RGS6: variants seen among roughly 807,000 people sequenced by gnomAD.
RGS6 encodes regulator of G-protein signaling 6.
A neutral mutation model predicts 78.5 loss-of-function variants in RGS6; 30 were observed. That is an observed-to-expected ratio of 0.38 (90% CI 0.29 to 0.52). The LOEUF is 0.52. Among genes scored for constraint, RGS6 ranks in the 20% least tolerant of loss-of-function variants. RGS6 has a pLI of 0.85. For missense variants in RGS6, 495 were observed against 609.7 expected (o/e 0.81, Z 1.98); for synonymous variants, 206 against 206.0 (o/e 1.00, Z 0.00).
At chr14:72,148,795 C>T (rs1214602921) in intron 2 of RGS6, among the ~76,000 whole-genome samples, 1 of 152,140 alleles carries the variant, frequency 6.6e-6, no homozygotes, top group East Asian at 1.9e-4. Flanking sequence ...TTACTTTGGA[C>T]AGGTTGAATT....
At chr14:71,999,041 C>G (rs2153217069) in intron 2 of RGS6, among the ~76,000 whole-genome samples, 1 of 151,282 alleles carries the variant, frequency 6.6e-6, no homozygotes, top group South Asian at 2.1e-4. Context: ...CCAGCCTGAG[C>G]AACAGAGTGT....
chr14:72,445,276 G>A (rs2095335718), intron 3 of RGS6, among the ~76,000 whole-genome samples: 1 of 152,218 alleles, frequency 6.6e-6, no homozygotes, highest in African/African-American at 2.4e-5. Context: ...TACAACCTCC[G>A]CCTCCCAGGT....
intron 2 of RGS6, among the ~76,000 whole-genome samples, chr14:71,979,819 G>T (rs1174960132): frequency 7.9e-5 from 12 of 151,900 alleles, no homozygotes; most frequent in African/African-American, 2.4e-5. Flanking sequence ...GTATCCTTGT[G>T]GACTTTCTAT....
intron 3 of RGS6, among the ~76,000 whole-genome samples, chr14:72,397,114 T>A (rs1318363701): frequency 6.6e-6 from 1 of 152,236 alleles, no homozygotes; most frequent in Non-Finnish European, 1.5e-5. Flanking sequence ...GGGATGGCAT[T>A]GAATCTATAA....
At chr14:72,194,122 A>T (rs1325473504) in intron 2 of RGS6, among the ~76,000 whole-genome samples, 4 of 152,100 alleles carry the variant, frequency 2.6e-5, no homozygotes, top group Admixed American at 6.6e-5. Flanking sequence ...GGGTGTTGGC[A>T]GTGGAGGTGG....
chr14:72,503,122 G>T (rs1206957196), intron 13 of RGS6, among the ~76,000 whole-genome samples: 1 of 152,054 alleles, frequency 6.6e-6, no homozygotes, highest in Non-Finnish European at 1.5e-5. Flanking sequence ...TAAATGTCTG[G>T]GTCCTCACAT....
chr14:72,536,107 A>G (rs2097248321), intron 15 of RGS6, 79 bp from the exon 16 acceptor site: 5 of 1,109,292 alleles, frequency 4.5e-6, no homozygotes, highest in Admixed American at 1.7e-5. Flanking sequence ...TCCCCAAAAC[A>G]GTGATCAATT....
At chr14:72,242,839 C>CTTTTTTTTTTTTTT (rs35675211) in intron 2 of RGS6, among the ~76,000 whole-genome samples, 2 of 69,128 alleles carry the variant, frequency 2.9e-5, no homozygotes, top group African/African-American at 5.9e-5. Flanking sequence ...CATTTCTTTT[C>CTTTTTTTTTTTTTT]TTTTTTTTTT....
chr14:72,093,312 G>T (rs2095324260), intron 2 of RGS6, among the ~76,000 whole-genome samples: 1 of 152,148 alleles, frequency 6.6e-6, no homozygotes. Context: ...TGTGATCATG[G>T]CTCACTGCAG....
chr14:72,455,884 G>A (rs1184270041), intron 4 of RGS6, among the ~76,000 whole-genome samples: 1 of 152,134 alleles, frequency 6.6e-6, no homozygotes, highest in Non-Finnish European at 1.5e-5. Flanking sequence ...TTTCCTCATG[G>A]CCACCTTTTC....
intron 2 of RGS6, among the ~76,000 whole-genome samples, chr14:72,288,952 A>G (rs1484822864): frequency 6.6e-6 from 1 of 152,206 alleles, no homozygotes; most frequent in East Asian, 1.9e-4. Flanking sequence ...AAATGCCAGT[A>G]CCAAGGGGAG....
At chr14:71,959,587 G>C (rs1595248124) in intron 1 of RGS6, among the ~76,000 whole-genome samples, 1 of 152,232 alleles carries the variant, frequency 6.6e-6, no homozygotes, top group Middle Eastern at 3.4e-3. Flanking sequence ...TGACATTGTA[G>C]GGTAATTGTA....
chr14:72,196,316 T>A (rs1406562567), intron 2 of RGS6, among the ~76,000 whole-genome samples: 3 of 152,084 alleles, frequency 2.0e-5, no homozygotes, highest in Non-Finnish European at 4.4e-5. Context: ...AGTTTATGGA[T>A]TAATTATTAA....
chr14:71,979,513 C>T (rs997068151), intron 2 of RGS6, among the ~76,000 whole-genome samples: 19 of 152,132 alleles, frequency 1.2e-4, no homozygotes, highest in South Asian at 8.3e-4. Context: ...GCCTTCATTT[C>T]GTTATGTACC....
intron 2 of RGS6, among the ~76,000 whole-genome samples, chr14:72,331,536 C>G (rs764821301): frequency 6.6e-6 from 1 of 152,150 alleles, no homozygotes; most frequent in Admixed American, 6.5e-5. Context: ...TGGTGTCGGC[C>G]GGGAGCTGCC....
At chr14:72,261,149 T>C (rs1392773818) in intron 2 of RGS6, among the ~76,000 whole-genome samples, 3 of 152,114 alleles carry the variant, frequency 2.0e-5, no homozygotes, top group Non-Finnish European at 4.4e-5. Flanking sequence ...AACCTACAAA[T>C]GCACCCTGTG....
intron 2 of RGS6, among the ~76,000 whole-genome samples, chr14:72,088,622 TGTCCTCTGCCAGA>T (rs1010928837): frequency 6.6e-6 from 1 of 152,002 alleles, no homozygotes; most frequent in African/African-American, 2.4e-5. Flanking sequence ...AGCCACTTTC[TGTCCTCTGCCAGA>T]GTGATCTTGT....
intron 2 of RGS6, among the ~76,000 whole-genome samples, chr14:72,216,249 C>T (rs1054216587): frequency 1.6e-4 from 24 of 152,156 alleles, no homozygotes; most frequent in African/African-American, 5.8e-4. Context: ...GCTCAGGCCT[C>T]GTCCAGAGCA....
chr14:72,366,093 G>T (rs182886951), intron 3 of RGS6, among the ~76,000 whole-genome samples: 1 of 152,180 alleles, frequency 6.6e-6, no homozygotes, highest in African/African-American at 2.4e-5. Flanking sequence ...TATAAGCCAT[G>T]TATTAGTCTA....
Sources: gnomAD v4.1 joint callset for allele counts (sites outside exome capture counted in the v4.1 genomes callset) on GRCh38, gnomAD v4.1.1 for gene constraint, MANE v1.5 for transcripts, NCBI Gene and HGNC (gene_info 2026-07-23, HGNC 2026-07-21) for gene names.